Variants in STARD13 observed in about 807,000 individuals in gnomAD.
STARD13 encodes the protein StAR related lipid transfer domain containing 13.
Under a neutral mutation model 106.4 loss-of-function variants are expected in STARD13, and 62 were observed. That is an observed-to-expected ratio of 0.58 (90% confidence interval 0.48 to 0.72). The LOEUF (loss-of-function observed/expected upper bound fraction) is 0.72. Ranked by LOEUF, STARD13 falls within the 30% of genes least tolerant of loss-of-function variation. STARD13 has a pLI of 0.00. For missense variants in STARD13, 1,387 were observed against 1,424.0 expected, an observed-to-expected ratio of 0.97 and a Z score of 0.42; for synonymous variants, 565 against 553.0, an observed-to-expected ratio of 1.02 and a Z score of -0.31.
the STARD13 span, among the ~76,000 whole-genome samples, chr13:33,478,360 C>T: frequency 6.6e-6 from 1 of 152,122 alleles, no homozygotes; most frequent in Admixed American, 6.6e-5. Context: ...GGTGCCAAAC[C>T]ACTAAAATTA....
chr13:33,339,631 C>T (rs1269202892), intron 1 of STARD13, among the ~76,000 whole-genome samples: 2 of 152,274 alleles, frequency 1.3e-5, no homozygotes, highest in Admixed American at 6.5e-5. Context: ...AGCTAGAAAT[C>T]AAACACTTAG....
At chr13:33,277,474 C>T (rs1891508177) in intron 1 of STARD13, 1 of 152,022 alleles carries the variant, frequency 6.6e-6, no homozygotes, top group Non-Finnish European at 1.5e-5. Context: ...ATTTTTGGAC[C>T]ATGAATTCAG....
chr13:33,411,586 A>C, the STARD13 span, among the ~76,000 whole-genome samples: 1 of 152,132 alleles, frequency 6.6e-6, no homozygotes, highest in East Asian at 1.9e-4. Context: ...AAGTTAAGAG[A>C]GCTCTTGATT....
upstream of STARD13, chr13:33,350,785 T>G: frequency 8.1e-6 from 3 of 369,850 alleles, no homozygotes; most frequent in Non-Finnish European, 6.7e-6. Flanking sequence ...TCCCCTTCCC[T>G]CCCTCGCCCA....
At chr13:33,396,749 T>G in the STARD13 span, among the ~76,000 whole-genome samples, 1 of 152,166 alleles carries the variant, frequency 6.6e-6, no homozygotes, top group Non-Finnish European at 1.5e-5. Context: ...ACTCATAATC[T>G]CACTGTAAAC....
the STARD13 span, among the ~76,000 whole-genome samples, chr13:33,606,853 T>G: frequency 1.3e-5 from 2 of 152,210 alleles, no homozygotes; most frequent in South Asian, 4.1e-4. Flanking sequence ...CTTTCAAGCT[T>G]CTCGAGGCCC....
At chr13:33,540,224 T>C in the STARD13 span, among the ~76,000 whole-genome samples, 1 of 152,218 alleles carries the variant, frequency 6.6e-6, no homozygotes, top group African/African-American at 2.4e-5. Flanking sequence ...ATTTCACAGA[T>C]AGAAGACTGA....
the STARD13 span, among the ~76,000 whole-genome samples, chr13:33,584,671 A>G: frequency 6.6e-6 from 1 of 152,114 alleles, no homozygotes; most frequent in Non-Finnish European, 1.5e-5. Context: ...AGCAATAGGA[A>G]TTGTATCAAA....
At chr13:33,182,872 A>G (rs541038467) in intron 1 of STARD13, among the ~76,000 whole-genome samples, 2 of 152,324 alleles carry the variant, frequency 1.3e-5, no homozygotes, top group East Asian at 3.9e-4. Context: ...ATAAAGTACC[A>G]GCCCATCACC....
At chr13:33,538,243 A>G in the STARD13 span, among the ~76,000 whole-genome samples, 1 of 152,066 alleles carries the variant, frequency 6.6e-6, no homozygotes, top group East Asian at 1.9e-4. Context: ...CCCATATTTG[A>G]CTCTCTTTTT....
chr13:33,143,725 G>T (rs577148663), intron 3 of STARD13, among the ~76,000 whole-genome samples: 2 of 152,180 alleles, frequency 1.3e-5, no homozygotes, highest in African/African-American at 4.8e-5. Flanking sequence ...GCTAATTTTT[G>T]TATTTTTAAT....
chr13:33,400,339 A>AAT, the STARD13 span, among the ~76,000 whole-genome samples: 2 of 152,296 alleles, frequency 1.3e-5, no homozygotes, highest in African/African-American at 2.4e-5. Flanking sequence ...CCATTGTGTG[A>AAT]ATATATATAT....
At chr13:33,544,275 C>A in the STARD13 span, among the ~76,000 whole-genome samples, 1 of 152,124 alleles carries the variant, frequency 6.6e-6, no homozygotes, top group Non-Finnish European at 1.5e-5. Flanking sequence ...CCCTACCGTG[C>A]CATTTATAAA....
the STARD13 span, among the ~76,000 whole-genome samples, chr13:33,477,691 C>T: frequency 2.3e-4 from 35 of 152,266 alleles, no homozygotes; most frequent in African/African-American, 8.2e-4. Flanking sequence ...TCCCATTATT[C>T]CACAACACCA....
At chr13:33,433,225 A>G in the STARD13 span, among the ~76,000 whole-genome samples, 1 of 152,228 alleles carries the variant, frequency 6.6e-6, no homozygotes, top group South Asian at 2.1e-4. Flanking sequence ...CCTACTAAGT[A>G]TTGTGATTAC....
chr13:33,368,290 A>G, the STARD13 span, among the ~76,000 whole-genome samples: 1 of 152,324 alleles, frequency 6.6e-6, no homozygotes, highest in African/African-American at 2.4e-5. Context: ...TGAGAATCGT[A>G]GATAGATCTA....
intron 1 of STARD13, among the ~76,000 whole-genome samples, chr13:33,187,067 C>G (rs777941015): frequency 2.6e-5 from 4 of 152,238 alleles, no homozygotes; most frequent in Non-Finnish European, 4.4e-5. Context: ...GGAATTTTCT[C>G]TCCCTTCTTT....
intron 1 of STARD13, among the ~76,000 whole-genome samples, chr13:33,180,920 T>C (rs1281874499): frequency 2.6e-5 from 4 of 152,200 alleles, no homozygotes; most frequent in Admixed American, 6.6e-5. Flanking sequence ...TATCGACACA[T>C]AATTTTTTAA....
At position 33,124,423 on chromosome 13, in the gene STARD13, A is replaced by G. The variant is rs75911712; in HGVS notation, c.2082+1658T>C. Among the ~76,000 whole-genome samples the G allele has an allele frequency of 2.2e-4, 33 of 152,304 alleles. No individual in the cohort carries two copies. In the East Asian group the frequency reaches 6.4e-3, roughly 29 times the overall value. On this transcript the variant is annotated intron_variant, in intron 7 of 13. Transcript: ENST00000336934. The stretch of plus-strand genomic sequence containing the variant: ...TTAATTACATTTAGAATCAGTATTT[A>G]TATCTTGAAATGAGTCTTCTTCCTC...
Sources: allele counts gnomAD v4.1 joint callset (sites outside exome capture counted in the v4.1 genomes callset), GRCh38; gene constraint gnomAD v4.1.1; transcripts MANE v1.5; gene names NCBI Gene and HGNC (gene_info 2026-07-23, HGNC 2026-07-21).